Variants in MMS22L observed in about 807,000 individuals in gnomAD.
The protein encoded by MMS22L is protein MMS22-like.
Under a neutral mutation model 159.1 loss-of-function variants are expected in MMS22L, and 74 were observed. The observed-to-expected ratio is 0.47, with a 90% confidence interval of 0.39 to 0.56. The LOEUF is 0.56. Ranked by LOEUF, MMS22L falls within the 20% of genes least tolerant of loss-of-function variation. The pLI is 0.00. For missense variants in MMS22L, 1,351 were observed against 1,422.1 expected, an observed-to-expected ratio of 0.95 and a Z score of 0.80; for synonymous variants, 517 against 506.9, an observed-to-expected ratio of 1.02 and a Z score of -0.27.
At position 97,272,991 on chromosome 6, in the gene MMS22L, T is replaced by C. The variant is rs1178754212; in HGVS notation, c.412A>G (p.Lys138Glu). ...QQCVLFLHYV[K>E]VFIFRYLKVQ... ...ATATCCTACCTGAAGATGAAAACTT[T>C]AACATAATGGAGAAATAGTACACAC... The change falls in exon 5 of 25, where the codon AAA (lysine) becomes GAA (glutamate). Residue 138 changes from lysine (K) to glutamate (E), a missense_variant. By Grantham distance (56) the Lys-to-Glu change is moderately conservative. Coordinates refer to ENST00000683635, the MANE Select transcript of MMS22L (RefSeq NM_001350599.2). 4 of 1,612,866 alleles carry C rather than the reference T, an allele frequency of 2.5e-6. No homozygotes were observed. The highest frequency in any genetic ancestry group is 2.2e-5 in the South Asian group (2 of 90,760).
At chr6:97,238,991 T>A (rs1277837454) in intron 11 of MMS22L, among the ~76,000 whole-genome samples, 1 of 147,902 alleles carries the variant, frequency 6.8e-6, no homozygotes, top group African/African-American at 2.5e-5. Context: ...CAAAGACTCA[T>A]TTATTTATGC....
chr6:97,260,504 A>G (rs1431075273), intron 9 of MMS22L: 1 of 152,076 alleles, frequency 6.6e-6, no homozygotes, highest in Admixed American at 6.6e-5. Context: ...TCCTGCATTG[A>G]ATGTATTCTT....
chr6:97,158,889 C>T (rs973641924), intron 22 of MMS22L, among the ~76,000 whole-genome samples: 5 of 152,048 alleles, frequency 3.3e-5, no homozygotes, highest in African/African-American at 1.2e-4. Context: ...TCTCATTGAT[C>T]TAATATTGAC....
intron 14 of MMS22L, among the ~76,000 whole-genome samples, chr6:97,206,388 C>CACAT (rs1210478859): frequency 6.7e-6 from 1 of 150,184 alleles, no homozygotes; most frequent in Non-Finnish European, 1.5e-5. Flanking sequence ...CATGTACACA[C>CACAT]ACACACACAC....
intron 19 of MMS22L, among the ~76,000 whole-genome samples, chr6:97,172,372 TA>T (rs1407359176): frequency 1.3e-5 from 2 of 151,800 alleles, no homozygotes; most frequent in Non-Finnish European, 2.9e-5. Context: ...AGGGAACAGA[TA>T]AAAGGTTTTG....
At chr6:97,235,661 G>C (rs946273525) in intron 11 of MMS22L, among the ~76,000 whole-genome samples, 1 of 152,180 alleles carries the variant, frequency 6.6e-6, no homozygotes, top group Non-Finnish European at 1.5e-5. Flanking sequence ...GGAAGTCATT[G>C]ACGGCCTTCC....
chr6:97,177,845 T>C (rs748530548), intron 18 of MMS22L, among the ~76,000 whole-genome samples: 3 of 152,154 alleles, frequency 2.0e-5, no homozygotes, highest in African/African-American at 7.2e-5. Context: ...TTACAATTAA[T>C]AGCTTACAAA....
intron 21 of MMS22L, 80 bp downstream of exon 21, chr6:97,165,164 AAT>A: frequency 1.6e-6 from 2 of 1,235,028 alleles, no homozygotes; most frequent in South Asian, 2.6e-5. Flanking sequence ...AAGGGTTGCC[AAT>A]ATGTTTGAAA....
Position 97,246,077 on chromosome 6 carries a change from G to A in MMS22L, c.1182+551C>T, listed in dbSNP as rs1812609055. Reference sequence around the variant, plus strand: ...GCTTCCATACAATATGTTTAAAAATGTGATGAACAGCATGTTTAAAACTAT... The same window carrying A: ...GCTTCCATACAATATGTTTAAAAATATGATGAACAGCATGTTTAAAACTAT... On this transcript the variant is annotated intron_variant, in intron 11 of 24. Coordinates refer to ENST00000683635, the MANE Select transcript of MMS22L (RefSeq NM_001350599.2). 5 of 373,446 alleles carry A rather than the reference G, an allele frequency of 1.3e-5. 1 individual carries two copies. Among genetic ancestry groups the A allele is most frequent in the South Asian group, 1.0e-4 (5 of 48,256 alleles). The allele number at this position is 373,446 out of a possible 1,614,324, so 23.1% of individuals were successfully genotyped here.
At chr6:97,283,901 A>G (rs966277154), upstream of MMS22L, among the ~76,000 whole-genome samples, 1 of 152,230 alleles carries the variant, frequency 6.6e-6, no homozygotes, top group Non-Finnish European at 1.5e-5. Context: ...TACTTGAAAT[A>G]CTCTAAATAT....
intron 11 of MMS22L, among the ~76,000 whole-genome samples, chr6:97,244,315 G>A (rs1582768132): frequency 6.6e-6 from 1 of 152,294 alleles, no homozygotes; most frequent in Admixed American, 6.5e-5. Flanking sequence ...ATGGGGCCAT[G>A]GAGCTCCCAT....
intron 11 of MMS22L, among the ~76,000 whole-genome samples, chr6:97,236,727 A>G (rs1023240847): frequency 1.4e-4 from 21 of 152,136 alleles, no homozygotes; most frequent in East Asian, 1.2e-3. Context: ...CAAGGAGGGC[A>G]GATCACCAGG....
intron 14 of MMS22L, among the ~76,000 whole-genome samples, chr6:97,190,396 T>G (rs1805745094): frequency 6.6e-6 from 1 of 152,196 alleles, no homozygotes; most frequent in South Asian, 2.1e-4. Flanking sequence ...GGCAATTGTT[T>G]TATTTGAGTA....
chr6:97,167,685 T>G (rs1803104640), intron 20 of MMS22L, among the ~76,000 whole-genome samples: 1 of 152,092 alleles, frequency 6.6e-6, no homozygotes, highest in Admixed American at 6.6e-5. Context: ...GCTCATGCCC[T>G]TGTACATGTT....
intron 22 of MMS22L, among the ~76,000 whole-genome samples, chr6:97,153,364 CTTTTTTTTTTTT>C (rs59258093): frequency 3.8e-5 from 3 of 78,104 alleles, no homozygotes; most frequent in Non-Finnish European, 4.6e-5. Flanking sequence ...CTCTACAGAT[CTTTTTTTTTTTT>C]TTTTTTTTTT....
At chr6:97,254,793 G>T (rs1041895275) in intron 9 of MMS22L, 60 bp from the exon 10 acceptor site, 25 of 1,362,736 alleles carry the variant, frequency 1.8e-5, no homozygotes, top group Non-Finnish European at 2.5e-5. Flanking sequence ...TTGATTTCGT[G>T]GTTTTTCTCT....
At chr6:97,276,442 G>A (rs762362094) in intron 4 of MMS22L, among the ~76,000 whole-genome samples, 5 of 65,448 alleles carry the variant, frequency 7.6e-5, no homozygotes, top group African/African-American at 9.0e-5. Flanking sequence ...GTTATTCTAC[G>A]TAAAGGTAAA....
chr6:97,217,460 G>A (rs961976060), intron 14 of MMS22L, among the ~76,000 whole-genome samples: 8 of 152,068 alleles, frequency 5.3e-5, no homozygotes, highest in Admixed American at 3.9e-4. Flanking sequence ...TCGCCGTGTC[G>A]GCCAGGCTGG....
At position 97,179,531 on chromosome 6, in the gene MMS22L, C is replaced by G. The variant is rs775256756; in HGVS notation, c.2413G>C (p.Gly805Arg). ...GTTAAGGCTTGAAAAGATACATAGCCTGAATGAGAAAGTGCTTCACATAAT... is the reference window on the plus strand; with the variant it reads ...GTTAAGGCTTGAAAAGATACATAGCGTGAATGAGAAAGTGCTTCACATAAT... ...STLCEALSHS[G>R]YVSFQALTVR... is the part of the protein sequence containing the mutation. The change falls in exon 17 of 25, where the codon GGC becomes CGC. Residue 805 changes from glycine (G) to arginine (R), a missense_variant. By Grantham distance (125) the Gly-to-Arg change is moderately radical. Transcript: ENST00000683635. 1 of 1,611,198 alleles carries G rather than the reference C, an allele frequency of 6.2e-7. No homozygotes were observed. The highest frequency in any genetic ancestry group is 1.1e-5 in the South Asian group (1 of 90,352).
Sources: gnomAD v4.1 joint callset for allele counts (sites outside exome capture counted in the v4.1 genomes callset) on GRCh38, gnomAD v4.1.1 for gene constraint, MANE v1.5 for transcripts, NCBI Gene and HGNC (gene_info 2026-07-23, HGNC 2026-07-21) for gene names.